The following NLRP12 variants were observed in gnomAD, a reference collection of about 807,000 sequenced individuals.
The protein encoded by NLRP12 is NACHT, LRR and PYD domains-containing protein 12.
A neutral mutation model predicts 91.2 loss-of-function variants in NLRP12; 108 were observed. That is an observed-to-expected ratio of 1.18 (90% CI 1.01 to 1.39). NLRP12 has a LOEUF of 1.39. Ranked by LOEUF, NLRP12 falls within the 40% of genes most tolerant of loss-of-function variation. The pLI is 0.00. For synonymous variants in NLRP12, 613 were observed against 566.7 expected, an observed-to-expected ratio of 1.08 and a Z score of -1.16; for missense variants, 1,530 against 1,352.7, an observed-to-expected ratio of 1.13 and a Z score of -2.06.
chr19:53,818,100 T>G (rs921330446), intron 1 of NLRP12, among the ~76,000 whole-genome samples: 1 of 151,496 alleles, frequency 6.6e-6, no homozygotes, highest in African/African-American at 2.4e-5. Context: ...TTTTTTTTTT[T>G]TGAGAGAGGG....
At chr19:53,815,658 G>C (rs2122720349) in intron 1 of NLRP12, among the ~76,000 whole-genome samples, 1 of 152,100 alleles carries the variant, frequency 6.6e-6, no homozygotes, top group East Asian at 1.9e-4. Flanking sequence ...GCCCAGGCTG[G>C]AGTGCAGTGG....
At position 53,810,770 on chromosome 19, in the gene NLRP12, C is replaced by A; in HGVS notation, c.889G>T (p.Asp297Tyr). ...TCGTGGAAAGAAGGCTTGAGCTCAT[C>A]GAAGCCGTCGATGATGAAAAGGAGG... ...ERLLFIIDGF[D>Y]ELKPSFHDPQ... The change falls in exon 3 of 10, where the codon GAT (aspartate) becomes TAT (tyrosine). Residue 297 changes from aspartate (D) to tyrosine (Y), a missense_variant. Coordinates refer to ENST00000324134, the MANE Select transcript of NLRP12 (RefSeq NM_144687.4). 1.2e-6 allele frequency: 2 copies of A among 1,613,970 alleles called. No individual in the cohort carries two copies. The highest frequency in any genetic ancestry group is 2.7e-5 in the African/African-American group (2 of 75,034).
Position 53,795,842 on chromosome 19 carries a change from TG to T in NLRP12, c.3098+16del. The T allele has an allele frequency of 6.2e-7, 1 of 1,613,496 alleles. No homozygotes were observed. The highest frequency in any genetic ancestry group is 8.5e-7 in the Non-Finnish European group (1 of 1,179,516). On this transcript the variant is annotated intron_variant, in intron 9 of 9. Coordinates refer to ENST00000324134, the MANE Select transcript of NLRP12 (RefSeq NM_144687.4). ...ATGTCCAGCCTCCTCCAGAAAGAAC[TG>T]GTCATCATCCCTCACCAGAGGACTC... is the stretch of plus-strand genomic sequence containing the variant.
At chr19:53,809,039 A>T (rs954233026) in intron 3 of NLRP12, among the ~76,000 whole-genome samples, 10 of 151,934 alleles carry the variant, frequency 6.6e-5, no homozygotes, top group Non-Finnish European at 5.9e-5. Context: ...CAGCCTGGCT[A>T]ACACAGCGAA....
At chr19:53,797,130 A>AGTT (rs1555792600) in intron 8 of NLRP12, among the ~76,000 whole-genome samples, 2 of 145,732 alleles carry the variant, frequency 1.4e-5, no homozygotes, top group African/African-American at 5.0e-5. Context: ...CACCAGATTG[A>AGTT]ATTATTATTT....
intron 2 of NLRP12, among the ~76,000 whole-genome samples, chr19:53,813,672 C>T (rs550035708): frequency 6.6e-6 from 1 of 151,332 alleles, no homozygotes; most frequent in African/African-American, 2.4e-5. Flanking sequence ...TGGAATCATA[C>T]AATATTTGTA....
intron 1 of NLRP12, among the ~76,000 whole-genome samples, chr19:53,822,433 A>T (rs2092274346): frequency 6.6e-6 from 1 of 151,932 alleles, no homozygotes; most frequent in South Asian, 2.1e-4. Context: ...CCCGGGCAAC[A>T]TAAGGACACC....
chr19:53,803,613 A>G (rs2091908625), intron 6 of NLRP12: 7 of 362,736 alleles, frequency 1.9e-5, no homozygotes, highest in South Asian at 1.5e-4. Flanking sequence ...TCACTCTGTC[A>G]CCGTGGCTGG....
At chr19:53,818,087 T>TG (rs2092190389) in intron 1 of NLRP12, among the ~76,000 whole-genome samples, 1 of 35,198 alleles carries the variant, frequency 2.8e-5, no homozygotes, top group Non-Finnish European at 8.9e-5. Context: ...TGGTTGGCAA[T>TG]TTTTTTTTTT....
rs965815791 is a variant in NLRP12, at chr19:53,823,264, TTA to T, written c.289+620_289+621del. 7.8e-5 allele frequency among the ~76,000 whole-genome samples: 11 copies of T among 140,530 alleles called. No individual in the cohort carries two copies. In the East Asian group the frequency reaches 7.9e-4, roughly 10 times the overall value. The allele number at this position is 140,530 out of a possible 152,430, so 92.2% of individuals were successfully genotyped here. ...ATATTTAATATATAATATTTATTAT[TTA>T]TATATATTTATATAATATACCATAT... On this transcript the variant is annotated intron_variant, in intron 1 of 9. Transcript: ENST00000324134.
At position 53,805,368 on chromosome 19, in the gene NLRP12, C is replaced by T. The variant is rs1003800314; in HGVS notation, c.2326G>A (p.Asp776Asn). The change falls in exon 5 of 10, where the codon GAT (aspartate) becomes AAT (asparagine). Residue 776 changes from aspartate (D) to asparagine (N), a missense_variant. Physicochemically the swap from Asp to Asn is conservative, Grantham distance 23. Coordinates refer to ENST00000324134, the MANE Select transcript of NLRP12 (RefSeq NM_144687.4). ...LIANKNLTRMDLSGNGVGFPG... is the reference protein window; with the variant it reads ...LIANKNLTRMNLSGNGVGFPG... The stretch of plus-strand genomic sequence containing the variant: ...AATCCAACGCCGTTGCCACTGAGAT[C>T]CATCCTTGTCAAATTCTTATTGGCT... The T allele has an allele frequency of 2.5e-6, 4 of 1,613,944 alleles. No individual in the cohort carries two copies. Among genetic ancestry groups the T allele is most frequent in the Admixed American group, 3.3e-5 (2 of 59,956 alleles).
chr19:53,801,521 G>A (rs1284301145), intron 6 of NLRP12, 124 bp from the exon 7 acceptor site: 28 of 1,315,112 alleles, frequency 2.1e-5, no homozygotes, highest in Middle Eastern at 2.6e-4. Flanking sequence ...GTGCAATCTC[G>A]GCTCAGCTGC....
rs1169092995 is a variant in NLRP12, at chr19:53,810,493, T to C, written c.1166A>G (p.Asn389Ser). The change falls in exon 3 of 10, where the codon AAT becomes AGT. Residue 389 changes from asparagine (N) to serine (S), a missense_variant. Coordinates refer to ENST00000324134, the MANE Select transcript of NLRP12 (RefSeq NM_144687.4). The stretch of plus-strand genomic sequence containing the variant: ...GAGAGGCTCGTTGTCCCTCACGTAA[T>C]TGAAGACTTGGCCCGCCTGCTCTGC... ...HNAEQAGQVF[N>S]YVRDNEPLFT... The C allele has an allele frequency of 8.1e-6, 13 of 1,614,078 alleles. No individual in the cohort carries two copies. The highest frequency in any genetic ancestry group is 4.5e-5 in the East Asian group (2 of 44,874).
chr19:53,800,993 G>A (rs114567133), intron 7 of NLRP12, among the ~76,000 whole-genome samples: 1 of 151,266 alleles, frequency 6.6e-6, no homozygotes, highest in African/African-American at 2.4e-5. Flanking sequence ...AGTAGATCGA[G>A]ACCATCCTGC....
Position 53,810,649 on chromosome 19 carries a change from G to C in NLRP12, c.1010C>G (p.Ser337Cys), listed in dbSNP as rs2092054414. Residue 337 changes from serine (S) to cysteine (C), a missense_variant, in exon 3 of 10, where the codon TCT becomes TGT. Physicochemically the swap from Ser to Cys is moderately radical, Grantham distance 112 (BLOSUM62 -1). Coordinates refer to ENST00000324134, the MANE Select transcript of NLRP12 (RefSeq NM_144687.4). ...LIRKKLLPEL[S>C]LLITTRPTAL... Reference sequence around the variant, plus strand: ...CGTGGGCCGTGTGGTGATGAGCAAAGATAGCTCAGGGAGCAGCTTCTTCCG... The same window carrying C: ...CGTGGGCCGTGTGGTGATGAGCAAACATAGCTCAGGGAGCAGCTTCTTCCG... 5 of 1,613,902 alleles carry C rather than the reference G, an allele frequency of 3.1e-6. No individual in the cohort carries two copies. In the African/African-American group the frequency reaches 4.0e-5, roughly 13 times the overall value.
chr19:53,796,320 C>G (rs556608011), intron 8 of NLRP12, among the ~76,000 whole-genome samples: 6 of 152,130 alleles, frequency 3.9e-5, no homozygotes, highest in South Asian at 4.1e-4. Context: ...GGCATGATCT[C>G]GGCTCACTGC....
At position 53,805,356 on chromosome 19, in the gene NLRP12, T is replaced by G. The variant is rs535796422; in HGVS notation, c.2338A>C (p.Asn780His). 2 of 1,614,054 alleles carry G rather than the reference T, an allele frequency of 1.2e-6. No individual in the cohort carries two copies. Among genetic ancestry groups the G allele is most frequent in the Non-Finnish European group, 1.7e-6 (2 of 1,180,014 alleles). Residue 780 changes from asparagine (N) to histidine (H), a missense_variant, in exon 5 of 10, where the codon AAC (asparagine) becomes CAC (histidine). By Grantham distance (68) the Asn-to-His change is moderately conservative. Coordinates refer to ENST00000324134, the MANE Select transcript of NLRP12 (RefSeq NM_144687.4). The stretch of plus-strand genomic sequence containing the variant: ...ATCATGCCTGGGAATCCAACGCCGT[T>G]GCCACTGAGATCCATCCTTGTCAAA... ...KNLTRMDLSG[N>H]GVGFPGMMLL...
intron 1 of NLRP12, among the ~76,000 whole-genome samples, chr19:53,819,372 GT>G (rs1439769989): frequency 7.3e-6 from 1 of 136,416 alleles, no homozygotes; most frequent in Non-Finnish European, 1.5e-5. Context: ...AGCCTCCCAA[GT>G]AGCTGGGATT....
chr19:53,806,851 G>A (rs2091967507), intron 4 of NLRP12, among the ~76,000 whole-genome samples: 1 of 138,066 alleles, frequency 7.2e-6, no homozygotes, highest in Non-Finnish European at 1.6e-5. Context: ...GAGCATATCA[G>A]TGTCTCAAAA....
Sources: gnomAD v4.1 joint callset for allele counts (sites outside exome capture counted in the v4.1 genomes callset) on GRCh38, gnomAD v4.1.1 for gene constraint, MANE v1.5 for transcripts, NCBI Gene and HGNC (gene_info 2026-07-23, HGNC 2026-07-21) for gene names.